The following MYO16 variants were observed in gnomAD, a reference collection of about 807,000 sequenced individuals.
MYO16 encodes the protein myosin XVI.
In MYO16, 94 loss-of-function variants were observed where a neutral mutation model predicts 205.3. The observed-to-expected ratio is 0.46, with a 90% confidence interval of 0.39 to 0.54. MYO16 has a LOEUF of 0.54. Ranked by LOEUF, MYO16 falls within the 20% of genes least tolerant of loss-of-function variation. The probability of loss-of-function intolerance (pLI) is 0.00; values close to 1 mark genes in which losing one functional copy is unlikely to be tolerated. For synonymous variants in MYO16, 988 were observed against 954.0 expected, an observed-to-expected ratio of 1.04 and a Z score of -0.66; for missense variants, 2,315 against 2,387.5, an observed-to-expected ratio of 0.97 and a Z score of 0.63.
intron 16 of MYO16, among the ~76,000 whole-genome samples, chr13:108,953,319 A>G (rs1883225553): frequency 6.6e-6 from 1 of 152,200 alleles, no homozygotes; most frequent in South Asian, 2.1e-4. Flanking sequence ...TATTTATTTG[A>G]TTAAGAGCTT....
intron 28 of MYO16, among the ~76,000 whole-genome samples, chr13:109,105,232 AGG>A (rs1889088419): frequency 6.6e-6 from 1 of 152,258 alleles, no homozygotes; most frequent in Admixed American, 6.5e-5. Context: ...GCACTTTGAG[AGG>A]CTGAGGCGAG....
At chr13:108,894,263 C>T (rs534695401) in intron 14 of MYO16, among the ~76,000 whole-genome samples, 6 of 152,198 alleles carry the variant, frequency 3.9e-5, no homozygotes, top group East Asian at 1.9e-4. Flanking sequence ...CAATTCGACT[C>T]GAGATTTGGG....
chr13:108,753,370 C>CAAAAAAAAA (rs534466420), intron 4 of MYO16, among the ~76,000 whole-genome samples: 19 of 111,780 alleles, frequency 1.7e-4, no homozygotes, highest in African/African-American at 6.5e-4. Flanking sequence ...AACTCTGTGA[C>CAAAAAAAAA]AAAAAAAAAA....
At chr13:109,035,956 T>G (rs1886701605) in intron 23 of MYO16, among the ~76,000 whole-genome samples, 2 of 152,354 alleles carry the variant, frequency 1.3e-5, no homozygotes, top group Admixed American at 1.3e-4. Context: ...GCATTTTTAT[T>G]AAACACCAGA....
the MYO16 span, among the ~76,000 whole-genome samples, chr13:108,547,384 T>C: frequency 6.6e-6 from 1 of 152,056 alleles, no homozygotes; most frequent in African/African-American, 2.4e-5. Context: ...ACATTGGCTT[T>C]CGTGAGGTTG....
At position 108,677,356 on chromosome 13, in the gene MYO16, CATATAT is replaced by C. The variant is rs200135645; in HGVS notation, c.292+11218_292+11223del. On this transcript the variant is annotated intron_variant, in intron 2 of 34. Coordinates refer to ENST00000457511, the MANE Select transcript of MYO16 (RefSeq NM_001198950.3). ...GTGTGTATATATATATATATATATG[CATATAT>C]ATATATATATGCATATATATATACA... is the stretch of plus-strand genomic sequence containing the variant. Among the ~76,000 whole-genome samples, 543 of 98,530 alleles carry C rather than the reference CATATAT, an allele frequency of 5.5e-3. 3 individuals carry two copies. Among genetic ancestry groups the C allele is most frequent in the African/African-American group, 0.018 (510 of 28,396 alleles). 64.6% of individuals were successfully genotyped at this position (98,530 alleles called of 152,430 possible). A position where few individuals can be genotyped will look rare whatever the true frequency, so the allele number is the denominator to read the frequency against.
intron 6 of MYO16, among the ~76,000 whole-genome samples, chr13:108,799,453 T>G (rs1396438470): frequency 6.6e-6 from 1 of 152,206 alleles, no homozygotes; most frequent in African/African-American, 2.4e-5. Flanking sequence ...ATCTAGTAAT[T>G]ACCATGATTT....
At chr13:108,965,517 C>T (rs2139375760) in intron 20 of MYO16, among the ~76,000 whole-genome samples, 1 of 152,308 alleles carries the variant, frequency 6.6e-6, no homozygotes, top group Non-Finnish European at 1.5e-5. Flanking sequence ...AGTGATTCTC[C>T]TACCTCAGCC....
the MYO16 span, among the ~76,000 whole-genome samples, chr13:108,581,905 A>AG: frequency 6.6e-6 from 1 of 150,514 alleles, no homozygotes; most frequent in Non-Finnish European, 1.5e-5. Context: ...AAAAAAAAAA[A>AG]GAAAAAGAAA....
intron 10 of MYO16, among the ~76,000 whole-genome samples, chr13:108,848,953 C>T (rs1877669054): frequency 6.6e-6 from 1 of 152,034 alleles, no homozygotes; most frequent in Admixed American, 6.5e-5. Flanking sequence ...GACACAAGCA[C>T]ATGTGTGCAC....
the MYO16 span, among the ~76,000 whole-genome samples, chr13:108,520,835 G>A: frequency 3.9e-5 from 6 of 152,078 alleles, no homozygotes; most frequent in Non-Finnish European, 5.9e-5. Flanking sequence ...ATGATAACTC[G>A]CAGTGGATGT....
At chr13:108,824,930 A>T (rs1876172579) in intron 9 of MYO16, among the ~76,000 whole-genome samples, 1 of 152,252 alleles carries the variant, frequency 6.6e-6, no homozygotes, top group South Asian at 2.1e-4. Context: ...AACTTCTCAC[A>T]GAGAAAAGCT....
chr13:108,496,868 A>T, the MYO16 span, among the ~76,000 whole-genome samples: 1 of 151,532 alleles, frequency 6.6e-6, no homozygotes. Context: ...GGCTGCTCTG[A>T]ATTGGCCAGA....
chr13:109,022,616 A>ATG (rs1886104219), intron 23 of MYO16, among the ~76,000 whole-genome samples: 4 of 131,406 alleles, frequency 3.0e-5, no homozygotes, highest in African/African-American at 1.1e-4. Flanking sequence ...GCATATAAAC[A>ATG]TATGTATATA....
chr13:109,196,625 G>C (rs1279483528), intron 34 of MYO16, among the ~76,000 whole-genome samples: 1 of 152,172 alleles, frequency 6.6e-6, no homozygotes, highest in Non-Finnish European at 1.5e-5. Flanking sequence ...CCACATTTTA[G>C]GTGGTCCAAA....
chr13:108,864,902 A>G (rs1355657484), intron 11 of MYO16, among the ~76,000 whole-genome samples: 2 of 152,116 alleles, frequency 1.3e-5, no homozygotes, highest in Admixed American at 6.6e-5. Flanking sequence ...TAACATATCC[A>G]TCACCTCACA....
At chr13:108,963,215 C>T (rs1883654617) in intron 19 of MYO16, among the ~76,000 whole-genome samples, 1 of 152,192 alleles carries the variant, frequency 6.6e-6, no homozygotes, top group Admixed American at 6.5e-5. Flanking sequence ...ACTCACCATT[C>T]ATCTAATCTT....
chr13:108,931,274 A>G (rs1216193794), intron 16 of MYO16, among the ~76,000 whole-genome samples: 2 of 152,208 alleles, frequency 1.3e-5, no homozygotes, highest in African/African-American at 4.8e-5. Flanking sequence ...ATTCAAGTTA[A>G]TCCCCTACCA....
intron 14 of MYO16, among the ~76,000 whole-genome samples, chr13:108,895,769 A>G (rs539957311): frequency 6.6e-6 from 1 of 152,344 alleles, no homozygotes; most frequent in South Asian, 2.1e-4. Context: ...CAGAGAACAC[A>G]CATGCACAGA....
Sources: gnomAD v4.1 joint callset for allele counts (sites outside exome capture counted in the v4.1 genomes callset) on GRCh38, gnomAD v4.1.1 for gene constraint, MANE v1.5 for transcripts, NCBI Gene and HGNC (gene_info 2026-07-23, HGNC 2026-07-21) for gene names.